MEGF11: variants seen among roughly 807,000 people sequenced by gnomAD.
MEGF11 encodes the protein multiple EGF like domains 11, also known as multiple epidermal growth factor-like domains protein 11.
Under a neutral mutation model 146.6 loss-of-function variants are expected in MEGF11, and 126 were observed. That is an observed-to-expected ratio of 0.86 (90% confidence interval 0.74 to 1.00). The LOEUF (loss-of-function observed/expected upper bound fraction) is 1.00. Among genes scored for constraint, MEGF11 ranks in the 50% least tolerant of loss-of-function variants. The pLI, the probability that MEGF11 is intolerant of heterozygous loss-of-function variation, is 0.00. For synonymous variants in MEGF11, 532 were observed against 583.4 expected (o/e 0.91, Z 1.27); for missense variants, 1,509 against 1,521.2 (o/e 0.99, Z 0.13).
intron 5 of MEGF11, among the ~76,000 whole-genome samples, chr15:66,061,611 T>C (rs1199570225): frequency 6.8e-6 from 1 of 147,522 alleles, no homozygotes; most frequent in Non-Finnish European, 1.5e-5. Flanking sequence ...GTGCCTAGGG[T>C]AGGGGGTGCT....
intron 9 of MEGF11, among the ~76,000 whole-genome samples, chr15:65,957,943 A>C (rs1422222449): frequency 6.6e-6 from 1 of 152,186 alleles, no homozygotes; most frequent in East Asian, 1.9e-4. Context: ...AACTACCCTG[A>C]AGTCAACAGC....
chr15:66,084,840 A>T (rs1285766463), intron 5 of MEGF11, among the ~76,000 whole-genome samples: 1 of 152,202 alleles, frequency 6.6e-6, no homozygotes, highest in Non-Finnish European at 1.5e-5. Context: ...TGGAGACCTC[A>T]CAAGCAAGGG....
chr15:66,081,838 C>T (rs183980402), intron 5 of MEGF11, among the ~76,000 whole-genome samples: 2 of 152,290 alleles, frequency 1.3e-5, no homozygotes, highest in East Asian at 3.9e-4. Context: ...ATATTGAAAC[C>T]CTAATCCCCA....
chr15:65,953,925 A>G (rs1330635412), intron 10 of MEGF11, among the ~76,000 whole-genome samples: 2 of 151,966 alleles, frequency 1.3e-5, no homozygotes, highest in African/African-American at 4.8e-5. Context: ...CAGCCCCTAG[A>G]GTCTACTTTC....
rs1043069911 is a variant in MEGF11 at position 65,925,327 on chromosome 15, G to A, written c.1676-2358C>T. Among the ~76,000 whole-genome samples, 3 of 152,318 alleles carry A rather than the reference G, an allele frequency of 2.0e-5. No individual in the cohort carries two copies. The South Asian group carries it at 6.2e-4, about 32-fold the overall frequency. On this transcript the variant is annotated intron_variant, in intron 13 of 25. Coordinates refer to ENST00000395614, the MANE Select transcript of MEGF11 (RefSeq NM_001385028.1). ...TACCATGTTTATTCTCAGACTGAAGGTGGCTGCAAAGTCCCACTGGGTTCT... is the reference window on the plus strand; with the variant it reads ...TACCATGTTTATTCTCAGACTGAAGATGGCTGCAAAGTCCCACTGGGTTCT...
intron 1 of MEGF11, among the ~76,000 whole-genome samples, chr15:66,233,887 A>G (rs1358146640): frequency 6.6e-6 from 1 of 150,516 alleles, no homozygotes; most frequent in Non-Finnish European, 1.5e-5. Flanking sequence ...AGAGATGTCC[A>G]TTAAGAGAGA....
intron 1 of MEGF11, among the ~76,000 whole-genome samples, chr15:66,227,302 C>A (rs925980875): frequency 2.0e-5 from 3 of 152,076 alleles, no homozygotes; most frequent in Admixed American, 2.0e-4. Flanking sequence ...AACAGGATAA[C>A]GCGTGGGAAT....
chr15:66,227,817 A>G (rs988745199), intron 1 of MEGF11, among the ~76,000 whole-genome samples: 3 of 152,190 alleles, frequency 2.0e-5, no homozygotes, highest in Non-Finnish European at 2.9e-5. Context: ...GGGCCACCCC[A>G]GCCCACTTAG....
chr15:65,983,334 G>A (rs1435910961), intron 5 of MEGF11, among the ~76,000 whole-genome samples: 1 of 152,218 alleles, frequency 6.6e-6, no homozygotes, highest in Non-Finnish European at 1.5e-5. Context: ...TACGGCTATG[G>A]AAAGGGGCTG....
intron 25 of MEGF11, 67 bp from the exon 26 acceptor site, chr15:65,898,161 G>T (rs2141123563): frequency 1.3e-6 from 2 of 1,527,990 alleles, no homozygotes; most frequent in Admixed American, 2.1e-5. Flanking sequence ...TGGAGAGGAA[G>T]AGAGTTCTAC....
chr15:65,937,342 GCCTACTCCCTCA>G (rs1484152206), intron 10 of MEGF11, among the ~76,000 whole-genome samples: 1 of 152,188 alleles, frequency 6.6e-6, no homozygotes, highest in Admixed American at 6.5e-5. Flanking sequence ...TAGCAACTCT[GCCTACTCCCTCA>G]GCCAGGCCTG....
rs74569837 is a variant in MEGF11 at position 66,107,799 on chromosome 15, C to T, written c.301+11287G>A. Among the ~76,000 whole-genome samples the T allele has an allele frequency of 3.7e-3, 565 of 152,336 alleles. 17 individuals are homozygous for T. The East Asian group carries it at 0.093, about 25-fold the overall frequency. On this transcript the variant is annotated intron_variant, in intron 4 of 25. Coordinates refer to ENST00000395614, the MANE Select transcript of MEGF11 (RefSeq NM_001385028.1). Reference sequence around the variant, plus strand: ...AGTGTACCCTGGAAAAGCCAGCCCACTCATCCTTGTCATCAACCAGCCTGC... The same window carrying T: ...AGTGTACCCTGGAAAAGCCAGCCCATTCATCCTTGTCATCAACCAGCCTGC...
rs554114811 is a variant in MEGF11 at position 65,919,419 on chromosome 15, G to A, written c.1958-1325C>T. Among the ~76,000 whole-genome samples, 137 of 152,286 alleles carry A rather than the reference G, an allele frequency of 9.0e-4. 1 individual carries two copies. The highest frequency in any genetic ancestry group is 3.2e-3 in the African/African-American group (134 of 41,542). On this transcript the variant is annotated intron_variant, in intron 15 of 25. Coordinates refer to ENST00000395614, the MANE Select transcript of MEGF11 (RefSeq NM_001385028.1). ...TTGCAATAAAGCAAGTCACACAAAT[G>A]TTTTGGTTTCCCAGAGCATACAAAA... is the stretch of plus-strand genomic sequence containing the variant.
chr15:66,121,847 C>T (rs2088040715), intron 3 of MEGF11, among the ~76,000 whole-genome samples: 1 of 152,164 alleles, frequency 6.6e-6, no homozygotes, highest in Non-Finnish European at 1.5e-5. Flanking sequence ...AGCCAAGTAA[C>T]CAGGCCGCTA....
chr15:66,142,415 G>C (rs1262554359), intron 1 of MEGF11, among the ~76,000 whole-genome samples: 1 of 152,206 alleles, frequency 6.6e-6, no homozygotes, highest in East Asian at 1.9e-4. Flanking sequence ...TCCACAAAGT[G>C]GAGATGAGGA....
intron 21 of MEGF11, 147 bp from the exon 22 acceptor site, chr15:65,909,953 T>G (rs2078746857): frequency 1.4e-6 from 1 of 729,176 alleles, no homozygotes; most frequent in Non-Finnish European, 2.4e-6. Flanking sequence ...GCGAGCTAGG[T>G]GTTCCATGAC....
intron 19 of MEGF11, among the ~76,000 whole-genome samples, chr15:65,914,294 C>G (rs918881920): frequency 1.3e-5 from 2 of 152,188 alleles, no homozygotes; most frequent in Non-Finnish European, 2.9e-5. Flanking sequence ...TAGTATTTTC[C>G]TTTCACAGAT....
chr15:66,146,056 G>T (rs1038870139), intron 1 of MEGF11, among the ~76,000 whole-genome samples: 4 of 152,072 alleles, frequency 2.6e-5, no homozygotes, highest in Non-Finnish European at 4.4e-5. Context: ...CCTGGGTGTT[G>T]TGTCATATCC....
At chr15:66,031,561 C>T (rs912761274) in intron 5 of MEGF11, among the ~76,000 whole-genome samples, 7 of 152,282 alleles carry the variant, frequency 4.6e-5, no homozygotes, top group East Asian at 3.9e-4. Flanking sequence ...CAGGAATTTA[C>T]GTGGGGGGAT....
Sources: allele counts gnomAD v4.1 joint callset (sites outside exome capture counted in the v4.1 genomes callset), GRCh38; gene constraint gnomAD v4.1.1; transcripts MANE v1.5; gene names NCBI Gene and HGNC (gene_info 2026-07-23, HGNC 2026-07-21).